The following PORCN variants were observed in gnomAD, a reference collection of about 807,000 sequenced individuals.
The protein encoded by PORCN is porcupine O-acyltransferase.
PORCN carries 1 observed loss-of-function variant against 43.0 expected under a neutral mutation model. That is an observed-to-expected ratio of 0.02 (90% CI 0.01 to 0.11). PORCN has a LOEUF of 0.11. Ranked by LOEUF, PORCN falls within the 10% of genes least tolerant of loss-of-function variation. The pLI is 1.00. For missense variants in PORCN, 240 were observed against 392.1 expected (o/e 0.61, Z 3.28); for synonymous variants, 148 against 166.4 (o/e 0.89, Z 0.85).
At chrX:48,515,196 TGA>T (rs2061707202) in intron 10 of PORCN, among the ~76,000 whole-genome samples, 2 of 112,019 alleles carry the variant, frequency 1.8e-5, no homozygotes, top group South Asian at 7.4e-4. Flanking sequence ...GCTTTTTCTC[TGA>T]GAGAGATGAG....
rs2061684375 is a variant in PORCN, at chrX:48,512,651, G to C, written c.618G>C (p.Leu206=). ...CACTGGCCCTGCTGTGCCTTGTGCT[G>C]TCCACTTGCGTGGGCCCCTACCTCT... ...SLALALLCLV[L]STCVGPYLFP... The change falls in exon 6 of 15, where the codon CTG becomes CTC. Residue 206 remains leucine (L), a synonymous_variant. Coordinates refer to ENST00000326194, the MANE Select transcript of PORCN (RefSeq NM_203475.3). The C allele has an allele frequency of 8.3e-7, 1 of 1,209,187 alleles. No individual in the cohort carries two copies. Among genetic ancestry groups the C allele is most frequent in the African/African-American group, 1.7e-5 (1 of 57,289 alleles).
Position 48,514,120 on chromosome X carries a change from G to A in PORCN, c.705-7G>A. On this transcript the variant is annotated splice_polypyrimidine_tract_variant and splice_region_variant and intron_variant, in intron 7 of 14. Coordinates refer to ENST00000326194, the MANE Select transcript of PORCN (RefSeq NM_203475.3). ...TCTGCTGCCTTCCTGACCCCTGGGG[G>A]CCCTAGGGGCACCATGGTAAGGTGA... The A allele has an allele frequency of 1.7e-6, 2 of 1,211,303 alleles. No individual in the cohort carries two copies. Among genetic ancestry groups the A allele is most frequent in the South Asian group, 3.5e-5 (2 of 56,978 alleles).
chrX:48,514,986 C>T (rs1261254147), intron 10 of PORCN, among the ~76,000 whole-genome samples: 3 of 111,249 alleles, frequency 2.7e-5, no homozygotes, highest in Non-Finnish European at 5.7e-5. Context: ...GGTGAGGGAG[C>T]AGGGAGCGCA....
At chrX:48,511,594 G>C (rs2061676235) in intron 3 of PORCN, 107 bp downstream of exon 3, 1 of 725,279 alleles carries the variant, frequency 1.4e-6, no homozygotes, top group African/African-American at 2.1e-5. Context: ...AGATTCCCCG[G>C]AGAAAGAAGG....
intron 13 of PORCN, among the ~76,000 whole-genome samples, chrX:48,516,583 TAGGG>T (rs782203049): frequency 9.0e-6 from 1 of 111,133 alleles, no homozygotes; most frequent in African/African-American, 3.3e-5. Flanking sequence ...CCATTTGAAA[TAGGG>T]AGGTCAGAGA....
rs141253403 is a variant in PORCN at position 48,519,532 on chromosome X, A to C, written c.1285-843A>C. 7.7e-3 allele frequency among the ~76,000 whole-genome samples: 859 copies of C among 110,946 alleles called. 3 individuals carry two copies. Among genetic ancestry groups the C allele is most frequent in the South Asian group, 0.023 (62 of 2,662 alleles). ...TATTGCAAGTGATGTTGCAGCAGGA[A>C]CTCTGTACCCAAGTGGATCCACACA... On this transcript the variant is annotated intron_variant, in intron 14 of 14. Transcript: ENST00000326194.
rs2061681454 is a variant in PORCN, at chrX:48,512,192, C to T, written c.374-134C>T. On this transcript the variant is annotated intron_variant, in intron 4 of 14. Transcript: ENST00000326194. Reference sequence around the variant, plus strand: ...TATCTGTCCTGGGCTTCCTTGCCCACCTGCCTATCTGTCCCATGCCCACCT... The same window carrying T: ...TATCTGTCCTGGGCTTCCTTGCCCATCTGCCTATCTGTCCCATGCCCACCT... 3 of 735,214 alleles carry T rather than the reference C, an allele frequency of 4.1e-6. No homozygotes were observed. In the Admixed American group the frequency reaches 8.0e-5, roughly 20 times the overall value. The allele number at this position is 735,214 out of a possible 1,213,427, so 60.6% of individuals were successfully genotyped here.
chrX:48,509,639 C>T, intron 1 of PORCN, 145 bp from the exon 2 acceptor site: 2 of 1,143,245 alleles, frequency 1.7e-6, no homozygotes, highest in Non-Finnish European at 2.3e-6. Context: ...ATGTACCTGA[C>T]TTCTCACGCC....
intron 14 of PORCN, among the ~76,000 whole-genome samples, chrX:48,517,684 T>A (rs1264907321): frequency 2.7e-5 from 3 of 110,061 alleles, no homozygotes; most frequent in Non-Finnish European, 5.7e-5. Flanking sequence ...CCAGGCGTGA[T>A]AGCATGCACC....
intron 3 of PORCN, 87 bp from the exon 4 acceptor site, chrX:48,511,805 T>G: frequency 8.0e-6 from 7 of 872,208 alleles, no homozygotes; most frequent in African/African-American, 2.0e-5. Context: ...TAGAACCCTC[T>G]GGGCACCTTG....
intron 4 of PORCN, 67 bp downstream of exon 4, chrX:48,512,002 C>T (rs2061679681): frequency 1.1e-6 from 1 of 882,139 alleles, no homozygotes; most frequent in African/African-American, 2.0e-5. Context: ...TAACTGCCCC[C>T]ACCCTGTGCC....
At chrX:48,516,481 T>C (rs1362829241) in intron 13 of PORCN, among the ~76,000 whole-genome samples, 1 of 110,861 alleles carries the variant, frequency 9.0e-6, no homozygotes, top group Non-Finnish European at 1.9e-5. Context: ...AAAAAATGAG[T>C]CAGTAAAGTC....
chrX:48,509,995 A>T (rs782136821), intron 2 of PORCN, 39 bp downstream of exon 2: 1 of 1,040,295 alleles, frequency 9.6e-7, no homozygotes, highest in African/African-American at 1.9e-5. Flanking sequence ...ATGCCAGGCC[A>T]TATCAGACCT....
chrX:48,514,506 A>G lies in PORCN; in HGVS notation c.846-19A>G, dbSNP rs1329150063. 8.3e-7 allele frequency: 1 copy of G among 1,198,572 alleles called. No homozygotes were observed. The highest frequency in any genetic ancestry group is 1.1e-6 in the Non-Finnish European group (1 of 884,756). ...GAGTTGAGATCCCAAATGGATTTGCATATCTCTTCTGCCCCCAGGGACCTG... is the reference window on the plus strand; with the variant it reads ...GAGTTGAGATCCCAAATGGATTTGCGTATCTCTTCTGCCCCCAGGGACCTG... On this transcript the variant is annotated intron_variant, in intron 9 of 14. Coordinates refer to ENST00000326194, the MANE Select transcript of PORCN (RefSeq NM_203475.3).
chrX:48,514,841 T>A (rs782779840), intron 10 of PORCN, among the ~76,000 whole-genome samples: 56 of 111,436 alleles, frequency 5.0e-4, no homozygotes, highest in Non-Finnish European at 7.4e-4. Flanking sequence ...AAAAAATTTT[T>A]AAAAAAGCAG....
Position 48,511,394 on chromosome X carries a change from G to A in PORCN, c.236G>A (p.Ser79Asn). The change falls in exon 3 of 15, where the codon AGC (serine) becomes AAC (asparagine). Residue 79 changes from serine (S) to asparagine (N), a missense_variant. Physicochemically the swap from Ser to Asn is conservative, Grantham distance 46. Coordinates refer to ENST00000326194, the MANE Select transcript of PORCN (RefSeq NM_203475.3). ...CACATGGTTTGGGTCGTGCTGCTCA[G>A]CCTCCTGTGCTACCTCGTGCTGTTC... ...QLHMVWVVLL[S>N]LLCYLVLFLC... The A allele has an allele frequency of 8.3e-7, 1 of 1,211,247 alleles. No individual in the cohort carries two copies. The highest frequency in any genetic ancestry group is 2.2e-5 in the Admixed American group (1 of 46,004).
Position 48,514,156 on chromosome X carries a change from C to T in PORCN, c.719+15C>T, listed in dbSNP as rs782028846. ...ACCATGGTAAGGTGAGTCTACAGAGCGGGGCCCAGGATGCTGACATGTGGT... is the reference window on the plus strand; with the variant it reads ...ACCATGGTAAGGTGAGTCTACAGAGTGGGGCCCAGGATGCTGACATGTGGT... On this transcript the variant is annotated intron_variant, in intron 8 of 14. Transcript: ENST00000326194. The T allele has an allele frequency of 7.4e-6, 9 of 1,211,779 alleles. No individual in the cohort carries two copies. Among genetic ancestry groups the T allele is most frequent in the African/African-American group, 1.7e-5 (1 of 57,788 alleles).
At position 48,512,699 on chromosome X, in the gene PORCN, C is replaced by T. The variant is rs782299289; in HGVS notation, c.666C>T (p.Asn222=). The change falls in exon 6 of 15, where the codon AAC becomes AAT. Residue 222 remains asparagine (N), a synonymous_variant. Coordinates refer to ENST00000326194, the MANE Select transcript of PORCN (RefSeq NM_203475.3). ...TCTTCCCGTACTTCATCCCCCTCAACGGTGACCGCCTCCTTCGCAAGTGAG... is the reference window on the plus strand; with the variant it reads ...TCTTCCCGTACTTCATCCCCCTCAATGGTGACCGCCTCCTTCGCAAGTGAG... ...PYLFPYFIPL[N]GDRLLRNKKR... 4 of 1,210,818 alleles carry T rather than the reference C, an allele frequency of 3.3e-6. No homozygotes were observed. Among genetic ancestry groups the T allele is most frequent in the African/African-American group, 1.7e-5 (1 of 57,520 alleles).
At position 48,520,603 on chromosome X, in the gene PORCN, C is replaced by T; in HGVS notation, c.*127C>T. The T allele has an allele frequency of 2.0e-6, 1 of 495,348 alleles. No individual in the cohort carries two copies. 40.8% of individuals were successfully genotyped at this position (495,348 alleles called of 1,213,427 possible). A position where few individuals can be genotyped will look rare whatever the true frequency, so the allele number is the denominator to read the frequency against. The stretch of plus-strand genomic sequence containing the variant: ...CCTTGACCCCCAACACCTCAACACA[C>T]ACACACACACACACACACAAAATCA... On this transcript the variant is annotated 3_prime_UTR_variant, in exon 15 of 15. Transcript: ENST00000326194.
Sources: allele counts gnomAD v4.1 joint callset (sites outside exome capture counted in the v4.1 genomes callset), GRCh38; gene constraint gnomAD v4.1.1; transcripts MANE v1.5; gene names NCBI Gene and HGNC (gene_info 2026-07-23, HGNC 2026-07-21).